The following PZP variants were observed in gnomAD, a reference collection of about 807,000 sequenced individuals.
The protein encoded by PZP is PZP alpha-2-macroglobulin like, also known as pregnancy zone protein.
PZP carries 150 observed loss-of-function variants against 179.8 expected under a neutral mutation model. That is an observed-to-expected ratio of 0.83 (90% CI 0.73 to 0.96). The LOEUF is 0.96. Ranked by LOEUF, PZP falls within the 40% of genes least tolerant of loss-of-function variation. The pLI, the probability that PZP is intolerant of heterozygous loss-of-function variation, is 0.00. For missense variants in PZP, 1,689 were observed against 1,764.0 expected, an observed-to-expected ratio of 0.96 and a Z score of 0.76; for synonymous variants, 624 against 652.3, an observed-to-expected ratio of 0.96 and a Z score of 0.66.
At position 9,169,537 on chromosome 12, in the gene PZP, G is replaced by T; in HGVS notation, c.1894C>A (p.Gln632Lys). 2 of 1,612,816 alleles carry T rather than the reference G, an allele frequency of 1.2e-6. No individual in the cohort carries two copies. The highest frequency in any genetic ancestry group is 1.7e-6 in the Non-Finnish European group (2 of 1,179,430). Residue 632 changes from glutamine (Q) to lysine (K), a missense_variant, in exon 16 of 36, where the codon CAG (glutamine) becomes AAG (lysine). Around this residue, in one of 3 missense-constraint regions of PZP, gnomAD observed 201 missense variants for 284.2 expected, o/e 0.71. Coordinates refer to ENST00000261336, the MANE Select transcript of PZP (RefSeq NM_002864.3). ...DLTNFPDNVD[Q>K]QEEEQGHCPR... ...CAGTGTCCTTGTTCTTCCTCCTGCT[G>T]GTCCACATTGTCAGGAAAATTGGTG... is the stretch of plus-strand genomic sequence containing the variant.
At chr12:9,159,290 C>T (rs926357276) in intron 25 of PZP, among the ~76,000 whole-genome samples, 2 of 152,038 alleles carry the variant, frequency 1.3e-5, no homozygotes, top group African/African-American at 2.4e-5. Context: ...TCAATTTTGC[C>T]ACTTATTAGA....
At chr12:9,161,234 T>C in intron 22 of PZP, 118 bp from the exon 23 acceptor site, 2 of 791,498 alleles carry the variant, frequency 2.5e-6, no homozygotes, top group Non-Finnish European at 3.9e-6. Context: ...CTGGCCCTGC[T>C]TTGTGACCTT....
In PZP at chr12:9,181,885, T is replaced by G. The variant is rs762885710; in HGVS notation, c.1689+90A>C. The G allele has an allele frequency of 9.8e-6, 14 of 1,424,718 alleles. No individual in the cohort carries two copies. The African/African-American group carries it at 1.7e-4, about 17-fold the overall frequency. The allele number at this position is 1,424,718 out of a possible 1,614,324, so 88.3% of individuals were successfully genotyped here. A position where few individuals can be genotyped will look rare whatever the true frequency, so the allele number is the denominator to read the frequency against. ...GAACTGTTGGGCAACTCATTTTACT[T>G]TTCTGGACTTAGTTTTCTCTGGGGT... On this transcript the variant is annotated intron_variant, in intron 14 of 35. Transcript: ENST00000261336.
chr12:9,158,757 CTTTTTTT>C (rs60888135), intron 25 of PZP, among the ~76,000 whole-genome samples, 181 bp from the exon 26 acceptor site: 2 of 125,430 alleles, frequency 1.6e-5, no homozygotes, highest in African/African-American at 3.0e-5. Context: ...CTTTTCTTTT[CTTTTTTT>C]TTTTTTTTTT....
intron 2 of PZP, 51 bp downstream of exon 2, chr12:9,203,717 C>T: frequency 6.3e-7 from 1 of 1,596,422 alleles, no homozygotes; most frequent in Non-Finnish European, 8.6e-7. Context: ...ACCTATAGAG[C>T]TCAATAAAAT....
chr12:9,147,517 T>C (rs1193439897), downstream of PZP, among the ~76,000 whole-genome samples: 4 of 152,190 alleles, frequency 2.6e-5, no homozygotes, highest in Non-Finnish European at 5.9e-5. Flanking sequence ...GAGTCTGCTT[T>C]TGCATTTGTT....
rs200242477 is a variant in PZP, at chr12:9,192,615, A to C, written c.1379T>G (p.Val460Gly). Residue 460 changes from valine to glycine, a missense_variant, in exon 12 of 36, where the codon GTG (valine) becomes GGG (glycine). Transcript: ENST00000261336. ...LSGSYIHLEPVAGTLPCGHTE... is the reference protein window; with the variant it reads ...LSGSYIHLEPGAGTLPCGHTE... ...GTGGCCACAGGGCAGGGTACCAGCCACAGGCTCCAGGTGAATGTAACTTCC... is the reference window on the plus strand; with the variant it reads ...GTGGCCACAGGGCAGGGTACCAGCCCCAGGCTCCAGGTGAATGTAACTTCC... The C allele has an allele frequency of 1.1e-5, 18 of 1,614,208 alleles. No homozygotes were observed. The highest frequency in any genetic ancestry group is 1.4e-5 in the Non-Finnish European group (16 of 1,180,016).
At chr12:9,173,895 AGGTACAAAGAAGAGCT>A (rs1942176518) in intron 15 of PZP, among the ~76,000 whole-genome samples, 1 of 152,362 alleles carries the variant, frequency 6.6e-6, no homozygotes, top group African/African-American at 2.4e-5. Flanking sequence ...ATTCTACCAT[AGGTACAAAGAAGAGCT>A]GGTACCATTT....
the PZP span, among the ~76,000 whole-genome samples, chr12:9,139,769 G>C: frequency 1.8e-3 from 267 of 152,288 alleles, no homozygotes; most frequent in African/African-American, 6.3e-3. Context: ...GTTAAAGAAA[G>C]AGGAAAGAAA....
Position 9,163,714 on chromosome 12 carries a change from G to C in PZP, c.2690C>G (p.Pro897Arg). The part of the protein sequence containing the change: ...ELCGNEVVEV[P>R]EIKRKDTVIK... ...GACTGTGTCTTTTCTTTTAATCTCA[G>C]GGACCTCAACAACCTCATTTCCACA... The change falls in exon 21 of 36, where the codon CCT becomes CGT. Residue 897 changes from proline to arginine, a missense_variant. By Grantham distance (103) the Pro-to-Arg change is moderately radical. Around this residue, in one of 3 missense-constraint regions of PZP, gnomAD observed 746 missense variants for 749.2 expected, o/e 1.00. Coordinates refer to ENST00000261336, the MANE Select transcript of PZP (RefSeq NM_002864.3). 6.2e-7 allele frequency: 1 copy of C among 1,613,920 alleles called. No individual in the cohort carries two copies. Among genetic ancestry groups the C allele is most frequent in the Non-Finnish European group, 8.5e-7 (1 of 1,179,934 alleles).
chr12:9,154,474 A>G, intron 29 of PZP, 142 bp downstream of exon 29: 1 of 862,612 alleles, frequency 1.2e-6, no homozygotes, highest in South Asian at 1.8e-5. Context: ...TCTTTCCTTT[A>G]AATTCTCATG....
intron 35 of PZP, 94 bp downstream of exon 35, chr12:9,149,467 T>A (rs1940189625): frequency 7.9e-7 from 1 of 1,267,794 alleles, no homozygotes. Context: ...TTGTCTCAGA[T>A]GTAGGAAAAG....
chr12:9,148,902 A>G lies in PZP; in HGVS notation c.*70T>C. 1.5e-6 allele frequency: 2 copies of G among 1,369,686 alleles called. No individual in the cohort carries two copies. The highest frequency in any genetic ancestry group is 2.1e-6 in the Non-Finnish European group (2 of 970,094). 84.8% of individuals were successfully genotyped at this position (1,369,686 alleles called of 1,614,324 possible). A position where few individuals can be genotyped will look rare whatever the true frequency, so the allele number is the denominator to read the frequency against. The stretch of plus-strand genomic sequence containing the variant: ...TTTTAGTGTCTATTTTATAGAGACA[A>G]ATAACTCCATTCCTTCTAAGTAAAT... On this transcript the variant is annotated 3_prime_UTR_variant, in exon 36 of 36. Coordinates refer to ENST00000261336, the MANE Select transcript of PZP (RefSeq NM_002864.3).
In PZP at chr12:9,202,550, T is replaced by C; in HGVS notation, c.402A>G (p.Lys134=). Residue 134 remains lysine, a synonymous_variant, in exon 3 of 36, where the codon AAA becomes AAG. Transcript: ENST00000261336. ...CTGTCTGTCCTGGTTTATACATGGG[T>C]TTGTCTGTCTGGACAAAGACCAGAC... ...TQSLVFVQTD[K]PMYKPGQTVR... The C allele has an allele frequency of 6.2e-7, 1 of 1,614,048 alleles. No homozygotes were observed.
intron 13 of PZP, 43 bp from the exon 14 acceptor site, chr12:9,182,160 C>CAAAATGGTCATAAGTGAGAA: frequency 1.3e-6 from 2 of 1,571,822 alleles, no homozygotes; most frequent in South Asian, 1.2e-5. Flanking sequence ...ATAAGTGAGA[C>CAAAATGGTCATAAGTGAGAA]AAAAAGGTCA....
chr12:9,160,161 G>T, intron 24 of PZP, 136 bp from the exon 25 acceptor site: 1 of 1,122,784 alleles, frequency 8.9e-7, no homozygotes, highest in Non-Finnish European at 1.3e-6. Context: ...GAATGTTATG[G>T]ATAGATCAAA....
At chr12:9,142,644 C>T in the PZP span, among the ~76,000 whole-genome samples, 1 of 152,178 alleles carries the variant, frequency 6.6e-6, no homozygotes, top group Non-Finnish European at 1.5e-5. Flanking sequence ...TATATAGCCA[C>T]ACAGACAACC....
chr12:9,163,829 A>G, intron 20 of PZP, 40 bp from the exon 21 acceptor site: 1 of 1,597,926 alleles, frequency 6.3e-7, no homozygotes, highest in Non-Finnish European at 8.5e-7. Context: ...ATCCACTTTG[A>G]TAGTCCAATC....
At chr12:9,138,242 C>T in the PZP span, among the ~76,000 whole-genome samples, 1 of 151,850 alleles carries the variant, frequency 6.6e-6, no homozygotes, top group Non-Finnish European at 1.5e-5. Flanking sequence ...TGAATTTTGT[C>T]AAATGCTTTC....
Sources: allele counts gnomAD v4.1 joint callset (sites outside exome capture counted in the v4.1 genomes callset), GRCh38; gene constraint gnomAD v4.1.1; regional missense constraint gnomAD v4.1.1; transcripts MANE v1.5; gene names NCBI Gene and HGNC (gene_info 2026-07-23, HGNC 2026-07-21).